The following STAMBPL1 variants were observed in gnomAD, a reference collection of about 807,000 sequenced individuals.
STAMBPL1 encodes the protein AMSH-like protease.
STAMBPL1 carries 44 observed loss-of-function variants against 52.9 expected under a neutral mutation model. That is an observed-to-expected ratio of 0.83 (90% CI 0.65 to 1.07). STAMBPL1 has a LOEUF of 1.07. Among genes scored for constraint, STAMBPL1 ranks in the 50% least tolerant of loss-of-function variants. The probability of loss-of-function intolerance (pLI) is 0.00; values close to 1 mark genes in which losing one functional copy is unlikely to be tolerated. For missense variants in STAMBPL1, 511 were observed against 520.8 expected (o/e 0.98, Z 0.18); for synonymous variants, 164 against 177.3 (o/e 0.92, Z 0.60).
In STAMBPL1 at chr10:88,886,081, TAAAC is replaced by T. The variant is rs531043535; in HGVS notation, c.-54+5446_-54+5449del. Among the ~76,000 whole-genome samples, 13 of 152,226 alleles carry T rather than the reference TAAAC, an allele frequency of 8.5e-5. No homozygotes were observed. The East Asian group carries it at 2.3e-3, about 27-fold the overall frequency. The stretch of plus-strand genomic sequence containing the variant: ...AGTGTTACACAAAACAAAAACAAAA[TAAAC>T]AATTTTTTAAAGCATAGGTGAAAAC... On this transcript the variant is annotated intron_variant, in intron 1 of 10. Coordinates refer to ENST00000371926, the MANE Select transcript of STAMBPL1 (RefSeq NM_020799.4).
chr10:88,911,593 TG>T lies in STAMBPL1; in HGVS notation c.420+585del, dbSNP rs373591017. ...AAGAAGAAATTGGCCAGTGAATGTA[TG>T]GGATACTCACGTTCAACATAGCATC... On this transcript the variant is annotated intron_variant, in intron 5 of 10. Coordinates refer to ENST00000371926, the MANE Select transcript of STAMBPL1 (RefSeq NM_020799.4). Among the ~76,000 whole-genome samples, 756 of 152,334 alleles carry T rather than the reference TG, an allele frequency of 5.0e-3. 4 individuals carry two copies. Among genetic ancestry groups the T allele is most frequent in the Middle Eastern group, 0.024 (7 of 294 alleles).
Position 88,921,204 on chromosome 10 carries a change from CAG to C in STAMBPL1, c.1042-76_1042-75del, listed in dbSNP as rs370888409. On this transcript the variant is annotated intron_variant, in intron 8 of 10. Coordinates refer to ENST00000371926, the MANE Select transcript of STAMBPL1 (RefSeq NM_020799.4). ...AATGATGGTAAAAACTAAAAAAAAA[CAG>C]AGTTTTCTATTAAAATAGCCTATGG... The C allele has an allele frequency of 3.4e-4, 369 of 1,083,918 alleles. 5 individuals carry two copies. The East Asian group carries it at 7.8e-3, about 23-fold the overall frequency. 67.1% of individuals were successfully genotyped at this position (1,083,918 alleles called of 1,614,324 possible).
At chr10:88,919,061 A>G (rs1393611848) in intron 8 of STAMBPL1, among the ~76,000 whole-genome samples, 1 of 152,166 alleles carries the variant, frequency 6.6e-6, no homozygotes, top group Non-Finnish European at 1.5e-5. Flanking sequence ...TAAGTATAAT[A>G]ATAGCAACAA....
chr10:88,911,803 A>G (rs1424247544), intron 5 of STAMBPL1, among the ~76,000 whole-genome samples: 4 of 152,202 alleles, frequency 2.6e-5, no homozygotes, highest in African/African-American at 7.2e-5. Context: ...GGTAGAGGGA[A>G]TGGTGAAATT....
At chr10:88,884,631 C>A (rs1186931245) in intron 1 of STAMBPL1, among the ~76,000 whole-genome samples, 1 of 152,170 alleles carries the variant, frequency 6.6e-6, no homozygotes, top group Non-Finnish European at 1.5e-5. Flanking sequence ...ATCACTAATA[C>A]CTTCCACACC....
At chr10:88,916,651 A>G (rs373878254) in intron 7 of STAMBPL1, 29 bp from the exon 8 acceptor site, 138 of 1,559,476 alleles carry the variant, frequency 8.8e-5, no homozygotes, top group Non-Finnish European at 1.1e-4. Context: ...TGTGAGATGC[A>G]TGTCATTCTT....
chr10:88,895,230 ATGTCTCTT>A (rs2133145498), intron 1 of STAMBPL1, among the ~76,000 whole-genome samples: 1 of 152,316 alleles, frequency 6.6e-6, no homozygotes, highest in Non-Finnish European at 1.5e-5. Context: ...ATTCCCTAGG[ATGTCTCTT>A]TGTATTAGAG....
At chr10:88,902,200 C>G (rs1844959126) in intron 2 of STAMBPL1, among the ~76,000 whole-genome samples, 1 of 152,230 alleles carries the variant, frequency 6.6e-6, no homozygotes, top group Admixed American at 6.5e-5. Context: ...CTTTTCCCCT[C>G]ACTGCCCAGC....
intron 7 of STAMBPL1, among the ~76,000 whole-genome samples, chr10:88,915,561 T>C (rs1845347212): frequency 6.6e-6 from 1 of 152,202 alleles, no homozygotes; most frequent in Non-Finnish European, 1.5e-5. Flanking sequence ...TTCAGATTGG[T>C]TGACTGATTC....
intron 5 of STAMBPL1, among the ~76,000 whole-genome samples, chr10:88,912,056 C>T (rs1404687814): frequency 6.6e-6 from 1 of 152,156 alleles, no homozygotes; most frequent in Non-Finnish European, 1.5e-5. Flanking sequence ...AGTGGTGACC[C>T]ATGTGGGAAT....
At chr10:88,885,932 C>G (rs1464482584) in intron 1 of STAMBPL1, among the ~76,000 whole-genome samples, 1 of 152,138 alleles carries the variant, frequency 6.6e-6, no homozygotes, top group Non-Finnish European at 1.5e-5. Flanking sequence ...TCTCAGAAAT[C>G]TATAGCTAGT....
intron 4 of STAMBPL1, 96 bp downstream of exon 4, chr10:88,908,873 G>A (rs574978558): frequency 2.0e-6 from 2 of 1,024,722 alleles, no homozygotes; most frequent in African/African-American, 3.3e-5. Context: ...TCTTTCTCTT[G>A]AGAGTTTGAG....
intron 5 of STAMBPL1, chr10:88,912,857 G>C (rs1258717849): frequency 2.2e-6 from 1 of 450,106 alleles, no homozygotes; most frequent in Non-Finnish European, 4.0e-6. Context: ...GGGAATGAAG[G>C]GATCCTGATT....
intron 2 of STAMBPL1, 96 bp from the exon 3 acceptor site, chr10:88,905,347 T>C: frequency 1.1e-6 from 1 of 937,134 alleles, no homozygotes; most frequent in Middle Eastern, 2.1e-4. Flanking sequence ...GTAATGGTGT[T>C]AGGTTCCTCA....
At chr10:88,902,084 A>G (rs1446236842) in intron 2 of STAMBPL1, among the ~76,000 whole-genome samples, 1 of 152,180 alleles carries the variant, frequency 6.6e-6, no homozygotes, top group Non-Finnish European at 1.5e-5. Context: ...TAAGAATTGG[A>G]GGCTCACCTT....
chr10:88,892,079 T>G (rs1244918108), intron 1 of STAMBPL1, among the ~76,000 whole-genome samples: 2 of 151,980 alleles, frequency 1.3e-5, no homozygotes, highest in African/African-American at 4.8e-5. Context: ...GATGAAATAT[T>G]AATATTTGAG....
intron 7 of STAMBPL1, among the ~76,000 whole-genome samples, chr10:88,915,814 C>A (rs562271422): frequency 1.6e-4 from 25 of 152,190 alleles, no homozygotes; most frequent in African/African-American, 5.1e-4. Context: ...AGAAGGGTTT[C>A]CCTGAGAAGT....
chr10:88,898,435 A>T (rs1844864277), intron 1 of STAMBPL1, among the ~76,000 whole-genome samples: 1 of 152,218 alleles, frequency 6.6e-6, no homozygotes, highest in Non-Finnish European at 1.5e-5. Flanking sequence ...ATACCTGTTT[A>T]TGTTGATCTT....
intron 10 of STAMBPL1, 57 bp from the exon 11 acceptor site, chr10:88,923,111 A>G (rs2133225171): frequency 4.8e-6 from 6 of 1,248,302 alleles, no homozygotes; most frequent in Non-Finnish European, 6.9e-6. Flanking sequence ...AGAAAATCAT[A>G]TGGTAAACAT....
Sources: gnomAD v4.1 joint callset for allele counts (sites outside exome capture counted in the v4.1 genomes callset) on GRCh38, gnomAD v4.1.1 for gene constraint, MANE v1.5 for transcripts, NCBI Gene and HGNC (gene_info 2026-07-23, HGNC 2026-07-21) for gene names.